Variants in CABCOCO1 observed in about 807,000 individuals in gnomAD.
The protein encoded by CABCOCO1 is ciliary associated calcium binding coiled-coil 1, also known as ciliary-associated calcium-binding coiled-coil protein 1.
Under a neutral mutation model 35.7 loss-of-function variants are expected in CABCOCO1, and 28 were observed. The ratio of observed to expected loss-of-function variants is 0.78; its 90% CI spans 0.58 to 1.07. The LOEUF (loss-of-function observed/expected upper bound fraction) is 1.07, where lower values mean the gene tolerates loss of function less well. CABCOCO1 is among the 50% of genes least tolerant of loss of function. The pLI is 0.00. For missense variants in CABCOCO1, 326 were observed against 309.2 expected (o/e 1.05, Z -0.41); for synonymous variants, 95 against 100.1 (o/e 0.95, Z 0.30).
At chr10:61,724,821 A>G (rs544231894) in intron 5 of CABCOCO1, among the ~76,000 whole-genome samples, 4 of 152,306 alleles carry the variant, frequency 2.6e-5, no homozygotes, top group Non-Finnish European at 5.9e-5. Context: ...ACACCACAAC[A>G]GTAGGGGGGA....
intron 3 of CABCOCO1, among the ~76,000 whole-genome samples, chr10:61,683,694 A>G (rs1217691978): frequency 1.3e-5 from 2 of 152,214 alleles, no homozygotes; most frequent in Non-Finnish European, 2.9e-5. Flanking sequence ...GTTTTCAAGA[A>G]TACATTTTAT....
At chr10:61,681,688 G>A (rs540016133) in intron 3 of CABCOCO1, among the ~76,000 whole-genome samples, 5 of 152,160 alleles carry the variant, frequency 3.3e-5, no homozygotes, top group African/African-American at 1.2e-4. Context: ...AGAATATTAG[G>A]CAGCTATAAC....
At chr10:61,679,829 A>T (rs1839652879) in intron 2 of CABCOCO1, among the ~76,000 whole-genome samples, 1 of 152,174 alleles carries the variant, frequency 6.6e-6, no homozygotes, top group Admixed American at 6.5e-5. Context: ...ATTTTAAAAC[A>T]TATGAAGCAA....
chr10:61,740,757 G>A (rs977042830), intron 5 of CABCOCO1, among the ~76,000 whole-genome samples: 2 of 151,974 alleles, frequency 1.3e-5, no homozygotes, highest in Non-Finnish European at 1.5e-5. Flanking sequence ...AATATGAAAC[G>A]AACAATATAA....
chr10:61,673,996 A>C (rs1839435675), intron 2 of CABCOCO1, among the ~76,000 whole-genome samples: 1 of 152,230 alleles, frequency 6.6e-6, no homozygotes, highest in Admixed American at 6.5e-5. Context: ...AACAATAGGT[A>C]TTTGATACTA....
Position 61,686,101 on chromosome 10 carries a change from G to A in CABCOCO1, c.395G>A (p.Gly132Glu), listed in dbSNP as rs762857593. Residue 132 changes from glycine to glutamate, a missense_variant, in exon 4 of 8, where the codon GGA becomes GAA. Coordinates refer to ENST00000648843, the MANE Select transcript of CABCOCO1 (RefSeq NM_001366906.2). ...KWLGEVMAEI[G>E]PTHSQKSEDW... ...CTTGGAGAAGTTATGGCTGAAATAG[G>A]ACCAACACATTCGCAAAAGAGTGAG... 2 of 1,609,086 alleles carry A rather than the reference G, an allele frequency of 1.2e-6. No individual in the cohort carries two copies. The highest frequency in any genetic ancestry group is 8.5e-7 in the Non-Finnish European group (1 of 1,178,476).
chr10:61,681,351 A>G, intron 3 of CABCOCO1, 39 bp downstream of exon 3: 1 of 1,400,444 alleles, frequency 7.1e-7, no homozygotes, highest in Non-Finnish European at 9.8e-7. Flanking sequence ...AACAAATTTA[A>G]TTTACCATAT....
intron 5 of CABCOCO1, among the ~76,000 whole-genome samples, chr10:61,756,007 A>G (rs1015005623): frequency 6.6e-6 from 1 of 151,982 alleles, no homozygotes; most frequent in African/African-American, 2.4e-5. Context: ...TGTCCATTTC[A>G]TCTTGAATAT....
intron 2 of CABCOCO1, among the ~76,000 whole-genome samples, chr10:61,680,643 T>A (rs529421962): frequency 1.2e-5 from 1 of 84,832 alleles, no homozygotes; most frequent in Non-Finnish European, 2.2e-5. Context: ...TATACATATA[T>A]AATATATATT....
At chr10:61,696,491 G>A (rs1392958354) in intron 5 of CABCOCO1, among the ~76,000 whole-genome samples, 1 of 151,572 alleles carries the variant, frequency 6.6e-6, no homozygotes, top group Non-Finnish European at 1.5e-5. Context: ...ACATATGAAG[G>A]TCAATTCTTT....
intron 6 of CABCOCO1, 74 bp from the exon 7 acceptor site, chr10:61,760,786 CAAG>C: frequency 6.9e-7 from 1 of 1,439,738 alleles, no homozygotes; most frequent in Non-Finnish European, 9.4e-7. Flanking sequence ...ATATTTAAAA[CAAG>C]AAGTTTTAGG....
intron 5 of CABCOCO1, among the ~76,000 whole-genome samples, chr10:61,755,697 T>C (rs960148870): frequency 1.4e-4 from 21 of 151,916 alleles, no homozygotes; most frequent in Non-Finnish European, 2.5e-4. Flanking sequence ...AATTATCCCC[T>C]TAGTCATAGA....
intron 1 of CABCOCO1, among the ~76,000 whole-genome samples, chr10:61,664,718 T>G (rs1206004058): frequency 6.6e-6 from 1 of 152,214 alleles, no homozygotes; most frequent in Non-Finnish European, 1.5e-5. Context: ...CATTTTCCGT[T>G]TTAATGAAAG....
chr10:61,766,196 T>C lies in CABCOCO1; in HGVS notation c.*183T>C. 1 of 497,000 alleles carries C rather than the reference T, an allele frequency of 2.0e-6. No homozygotes were observed. Among genetic ancestry groups the C allele is most frequent in the Non-Finnish European group, 3.6e-6 (1 of 278,480 alleles). The allele number at this position is 497,000 out of a possible 1,614,324, so 30.8% of individuals were successfully genotyped here. A position where few individuals can be genotyped will look rare whatever the true frequency, so the allele number is the denominator to read the frequency against. ...CCCAATTTTGCTATCTCCCATCCCATAACAGCCTCTGAATTTATTGCACCA... is the reference window on the plus strand; with the variant it reads ...CCCAATTTTGCTATCTCCCATCCCACAACAGCCTCTGAATTTATTGCACCA... On this transcript the variant is annotated 3_prime_UTR_variant, in exon 8 of 8. Transcript: ENST00000648843.
At chr10:61,690,733 T>TGGCGATTCCTCAGGGATC in intron 5 of CABCOCO1, 112 bp downstream of exon 5, 2 of 609,066 alleles carry the variant, frequency 3.3e-6, no homozygotes, top group Non-Finnish European at 5.7e-6. Flanking sequence ...TATTCAAGTG[T>TGGCGATTCCTCAGGGATC]TAATATAATC....
intron 5 of CABCOCO1, among the ~76,000 whole-genome samples, chr10:61,699,294 C>G (rs1840377562): frequency 1.3e-5 from 2 of 152,176 alleles, no homozygotes; most frequent in Non-Finnish European, 2.9e-5. Flanking sequence ...AAATAATCAT[C>G]CCTCTCTAAA....
chr10:61,697,509 T>C (rs1840327700), intron 5 of CABCOCO1, among the ~76,000 whole-genome samples: 1 of 152,084 alleles, frequency 6.6e-6, no homozygotes, highest in Non-Finnish European at 1.5e-5. Context: ...GACATGTATA[T>C]GCATGTAAGT....
At chr10:61,715,957 T>A (rs1329269647) in intron 5 of CABCOCO1, among the ~76,000 whole-genome samples, 2 of 152,124 alleles carry the variant, frequency 1.3e-5, no homozygotes, top group Non-Finnish European at 2.9e-5. Flanking sequence ...TTTCCTTCAT[T>A]TCAACCTTGG....
Position 61,681,296 on chromosome 10 carries a change from A to T in CABCOCO1, c.318A>T (p.Ser106=), listed in dbSNP as rs532931373. 6.4e-7 allele frequency: 1 copy of T among 1,554,600 alleles called. No individual in the cohort carries two copies. Among genetic ancestry groups the T allele is most frequent in the African/African-American group, 1.4e-5 (1 of 72,836 alleles). Residue 106 remains serine (S), a synonymous_variant, in exon 3 of 8, where the codon TCA becomes TCT. Coordinates refer to ENST00000648843, the MANE Select transcript of CABCOCO1 (RefSeq NM_001366906.2). ...YSKFMTLLAM[S]LQNLKTLHMS... ...AATTTATGACTTTACTAGCTATGTC[A>T]CTTCAAAATCTTAAAAGTAAGTACA...
Sources: gnomAD v4.1 joint callset for allele counts (sites outside exome capture counted in the v4.1 genomes callset) on GRCh38, gnomAD v4.1.1 for gene constraint, MANE v1.5 for transcripts, NCBI Gene and HGNC (gene_info 2026-07-23, HGNC 2026-07-21) for gene names.